MYLK2: variants seen among roughly 807,000 people sequenced by gnomAD.
MYLK2 encodes the protein myosin light chain kinase 2, skeletal/cardiac muscle.
MYLK2 carries 27 observed loss-of-function variants against 58.2 expected under a neutral mutation model. The observed-to-expected ratio is 0.46, with a 90% CI of 0.34 to 0.64. The LOEUF (loss-of-function observed/expected upper bound fraction) is 0.64. Ranked by LOEUF, MYLK2 falls within the 30% of genes least tolerant of loss-of-function variation. MYLK2 has a pLI of 0.01. For missense variants in MYLK2, 676 were observed against 764.3 expected (o/e 0.88, Z 1.36); for synonymous variants, 310 against 296.7 (o/e 1.04, Z -0.46).
rs1017400555 is a variant in MYLK2 at position 31,834,105 on chromosome 20, G to A, written c.*308G>A. 2.7e-5 allele frequency: 12 copies of A among 438,858 alleles called. No homozygotes were observed. The highest frequency in any genetic ancestry group is 1.4e-4 in the South Asian group (6 of 41,826). 27.2% of individuals were successfully genotyped at this position (438,858 alleles called of 1,614,324 possible). On this transcript the variant is annotated 3_prime_UTR_variant, in exon 13 of 13. Transcript: ENST00000375985. Reference sequence around the variant, plus strand: ...CTCCCGGTTCCCTCCCCAGCTCCTCGTCTTTGAACTGCCGCCGCCGTGGTG... The same window carrying A: ...CTCCCGGTTCCCTCCCCAGCTCCTCATCTTTGAACTGCCGCCGCCGTGGTG...
rs1335931963 is a variant in MYLK2, at chr20:31,832,051, ACCTGGCGGAGAAAG to A, written c.1628_1641del (p.Leu543GlnfsTer4). 1.9e-6 allele frequency: 3 copies of A among 1,606,624 alleles called. No homozygotes were observed. In the East Asian group the frequency reaches 6.7e-5, roughly 36 times the overall value. On this transcript the variant is annotated frameshift_variant, in exon 12 of 13. Coordinates refer to ENST00000375985, the MANE Select transcript of MYLK2 (RefSeq NM_033118.4). LOFTEE classifies it high-confidence loss of function. ...TGTCTCGCCCATCCCTGGCTCAACA[ACCTGGCGGAGAAAG>A]CCAAACGCTGTAACCGACGCCTTAA...
At chr20:31,830,364 C>T (rs746538107) in intron 8 of MYLK2, among the ~76,000 whole-genome samples, 2 of 152,142 alleles carry the variant, frequency 1.3e-5, no homozygotes, top group African/African-American at 2.4e-5. Context: ...TAGTGTGAAG[C>T]CCCGTGTTCC....
At chr20:31,829,364 A>T (rs752425944) in intron 8 of MYLK2, among the ~76,000 whole-genome samples, 7 of 152,166 alleles carry the variant, frequency 4.6e-5, no homozygotes, top group Non-Finnish European at 1.0e-4. Flanking sequence ...TCCTGTGTGT[A>T]GATGGAGAAT....
At chr20:31,821,322 G>A in intron 3 of MYLK2, 117 bp from the exon 4 acceptor site, 3 of 1,218,102 alleles carry the variant, frequency 2.5e-6, no homozygotes, top group Non-Finnish European at 3.6e-6. Flanking sequence ...GAATTTGGCT[G>A]TATTACACCA....
intron 6 of MYLK2, among the ~76,000 whole-genome samples, chr20:31,825,920 A>T (rs1348323985): frequency 6.6e-6 from 1 of 152,238 alleles, no homozygotes; most frequent in East Asian, 1.9e-4. Flanking sequence ...GGTGTCTTAA[A>T]CTAGGAAGGC....
chr20:31,833,627 G>C, intron 12 of MYLK2, 90 bp from the exon 13 acceptor site: 1 of 1,162,082 alleles, frequency 8.6e-7, no homozygotes, highest in Non-Finnish European at 1.3e-6. Context: ...GACCCTCCTG[G>C]ACTGAAGGGG....
intron 4 of MYLK2, 99 bp from the exon 5 acceptor site, chr20:31,823,378 C>T: frequency 8.9e-7 from 1 of 1,124,772 alleles, no homozygotes; most frequent in Non-Finnish European, 1.3e-6. Flanking sequence ...GTGAACTTAA[C>T]TTCCCTAGAT....
chr20:31,830,120 C>T (rs2062298622), intron 8 of MYLK2, among the ~76,000 whole-genome samples: 1 of 152,126 alleles, frequency 6.6e-6, no homozygotes, highest in Admixed American at 6.5e-5. Flanking sequence ...CAACTGTGGC[C>T]GAGTCACTTC....
In MYLK2 at chr20:31,821,527, C is replaced by T. The variant is rs754616377; in HGVS notation, c.562C>T (p.Pro188Ser). The T allele has an allele frequency of 8.7e-6, 14 of 1,613,944 alleles. No individual in the cohort carries two copies. In the South Asian group the frequency reaches 9.9e-5, roughly 11 times the overall value. ...GCCCATGACCCACAGCCCCACGGAT[C>T]CCAGGCCAGCCAAGGCAGAAGAAGG... ...GVPMTHSPTD[P>S]RPAKAEEGKN... Residue 188 changes from proline to serine, a missense_variant, in exon 4 of 13, where the codon CCC (proline) becomes TCC (serine). Coordinates refer to ENST00000375985, the MANE Select transcript of MYLK2 (RefSeq NM_033118.4).
intron 6 of MYLK2, 155 bp downstream of exon 6, chr20:31,824,507 C>G (rs916747359): frequency 1.0e-6 from 1 of 985,448 alleles, no homozygotes; most frequent in African/African-American, 1.7e-5. Context: ...GATGGATGGA[C>G]AGCCCTGCAG....
chr20:31,820,394 C>A lies in MYLK2; in HGVS notation c.321C>A (p.Ser107Arg), dbSNP rs757763288. Residue 107 changes from serine (S) to arginine (R), a missense_variant, in exon 3 of 13, where the codon AGC (serine) becomes AGA (arginine). This residue lies in a region of MYLK2 where 306 missense variants were observed against 296.5 expected (regional missense o/e 1.03). Coordinates refer to ENST00000375985, the MANE Select transcript of MYLK2 (RefSeq NM_033118.4). Reference sequence around the variant, plus strand: ...AGCAGACTGCGACACCTGAGACCAGCGTCAAGAAGCCCAAGGCTGAGCAGG... The same window carrying A: ...AGCAGACTGCGACACCTGAGACCAGAGTCAAGAAGCCCAAGGCTGAGCAGG... ...LPQQTATPETSVKKPKAEQGA... is the reference protein window; with the variant it reads ...LPQQTATPETRVKKPKAEQGA... The A allele has an allele frequency of 6.2e-7, 1 of 1,612,632 alleles. No homozygotes were observed. The highest frequency in any genetic ancestry group is 8.5e-7 in the Non-Finnish European group (1 of 1,179,758).
At position 31,820,501 on chromosome 20, in the gene MYLK2, C is replaced by T. The variant is rs1205554674; in HGVS notation, c.428C>T (p.Ser143Leu). The T allele has an allele frequency of 6.2e-6, 10 of 1,606,260 alleles. No homozygotes were observed. The highest frequency in any genetic ancestry group is 8.5e-6 in the Non-Finnish European group (10 of 1,179,982). Residue 143 changes from serine to leucine, a missense_variant, in exon 3 of 13, where the codon TCA (serine) becomes TTA (leucine). Coordinates refer to ENST00000375985, the MANE Select transcript of MYLK2 (RefSeq NM_033118.4). Reference sequence around the variant, plus strand: ...GGCCAAGCAGCAGCCAGGAGGGGCTCACCTGCCTTTCTGCATAGCCCCAGC... The same window carrying T: ...GGCCAAGCAGCAGCCAGGAGGGGCTTACCTGCCTTTCTGCATAGCCCCAGC... ...AEGQAAARRG[S>L]PAFLHSPSCP...
At chr20:31,819,736 T>G (rs1416238782) in intron 2 of MYLK2, 104 bp downstream of exon 2, 7 of 1,368,248 alleles carry the variant, frequency 5.1e-6, no homozygotes, top group Middle Eastern at 2.1e-4. Flanking sequence ...CCAGCCTTGT[T>G]TGCATGGTGC....
At chr20:31,819,941 G>A (rs1051560078) in intron 2 of MYLK2, among the ~76,000 whole-genome samples, 185 bp from the exon 3 acceptor site, 3 of 152,224 alleles carry the variant, frequency 2.0e-5, no homozygotes, top group African/African-American at 7.2e-5. Flanking sequence ...CTCCCACAGA[G>A]GCCCTCCAAG....
chr20:31,825,298 C>T (rs1382563123), intron 6 of MYLK2, among the ~76,000 whole-genome samples: 6 of 152,208 alleles, frequency 3.9e-5, no homozygotes, highest in African/African-American at 1.4e-4. Context: ...GTGTTATTGT[C>T]TCCTAGGTCC....
chr20:31,824,734 G>A (rs1050850441), intron 6 of MYLK2, among the ~76,000 whole-genome samples: 1 of 152,222 alleles, frequency 6.6e-6, no homozygotes, highest in African/African-American at 2.4e-5. Flanking sequence ...AGGTAAACAA[G>A]CCTGGCCTAG....
chr20:31,819,479 C>A, intron 1 of MYLK2, 51 bp downstream of exon 1: 2 of 1,472,226 alleles, frequency 1.4e-6, no homozygotes, highest in Non-Finnish European at 1.9e-6. Flanking sequence ...CTCACTGCAG[C>A]CAGACGAGAG....
Position 31,824,262 on chromosome 20 carries a change from C to T in MYLK2, c.882C>T (p.Gly294=). 6.2e-7 allele frequency: 1 copy of T among 1,613,350 alleles called. No homozygotes were observed. Among genetic ancestry groups the T allele is most frequent in the Non-Finnish European group, 8.5e-7 (1 of 1,179,688 alleles). ...TTACAGCCTCTTCTCTTTCCAGTGGCAAGTTTGGGGCAGTCTGTACCTGCA... is the reference window on the plus strand; with the variant it reads ...TTACAGCCTCTTCTCTTTCCAGTGGTAAGTTTGGGGCAGTCTGTACCTGCA... The part of the protein sequence containing the change: ...SMNSKEALGG[G]KFGAVCTCME... The change falls in exon 6 of 13, where the codon GGC becomes GGT. Residue 294 remains glycine, a synonymous_variant. Transcript: ENST00000375985.
At chr20:31,819,687 T>C in intron 2 of MYLK2, 55 bp downstream of exon 2, 1 of 1,544,028 alleles carries the variant, frequency 6.5e-7, no homozygotes, top group Non-Finnish European at 8.8e-7. Context: ...GGGTTTTGAA[T>C]CCAGGACTGG....
Sources: allele counts gnomAD v4.1 joint callset (sites outside exome capture counted in the v4.1 genomes callset), GRCh38; gene constraint gnomAD v4.1.1; regional missense constraint gnomAD v4.1.1; transcripts MANE v1.5; gene names NCBI Gene and HGNC (gene_info 2026-07-23, HGNC 2026-07-21).